Variants in NPIPA5 observed in about 807,000 individuals in gnomAD.
NPIPA5 encodes the protein nuclear pore complex interacting protein family member A5.
NPIPA5 carries 6 observed loss-of-function variants against 21.4 expected under a neutral mutation model. The ratio of observed to expected loss-of-function variants is 0.28; its 90% CI spans 0.15 to 0.55. The LOEUF is 0.55. Among genes scored for constraint, NPIPA5 ranks in the 20% least tolerant of loss-of-function variants. The pLI is 0.93. For missense variants in NPIPA5, 99 were observed against 318.2 expected (o/e 0.31, Z 5.24); for synonymous variants, 33 against 115.3 (o/e 0.29, Z 4.57).
intron 1 of NPIPA5, among the ~76,000 whole-genome samples, chr16:15,374,195 ATT>A (rs373986601): frequency 5.5e-5 from 8 of 146,144 alleles, no homozygotes; most frequent in African/African-American, 7.5e-5. Context: ...TAAAAAAAAA[ATT>A]TTTTTTTTTT....
At chr16:15,377,540 C>T (rs2050331835) in intron 1 of NPIPA5, among the ~76,000 whole-genome samples, 2 of 143,442 alleles carry the variant, frequency 1.4e-5, no homozygotes, top group African/African-American at 2.5e-5. Flanking sequence ...CCTTTCAGGG[C>T]TCCCTGAGGC....
At chr16:15,376,822 A>T (rs1197179162) in intron 1 of NPIPA5, among the ~76,000 whole-genome samples, 1 of 152,078 alleles carries the variant, frequency 6.6e-6, no homozygotes, top group Non-Finnish European at 1.5e-5. Context: ...GTGGTGGTCT[A>T]CTAAAAATAC....
chr16:15,375,697 G>A (rs1404642881), intron 1 of NPIPA5, among the ~76,000 whole-genome samples: 31 of 141,450 alleles, frequency 2.2e-4, no homozygotes, highest in Admixed American at 6.6e-4. Context: ...AGCCAAGATC[G>A]CACCACTGCA....
intron 4 of NPIPA5, among the ~76,000 whole-genome samples, chr16:15,369,317 G>A (rs2050081668): frequency 6.7e-6 from 1 of 149,724 alleles, no homozygotes; most frequent in Non-Finnish European, 1.5e-5. Context: ...TTAGCTGGGC[G>A]TGGTGGTGGG....
In NPIPA5 at chr16:15,373,818, C is replaced by T. The variant is rs767191145; in HGVS notation, c.89G>A (p.Arg30His). 6.4e-4 allele frequency: 42 copies of T among 65,254 alleles called. No homozygotes were observed. In the African/African-American group the frequency reaches 0.012, roughly 19 times the overall value. 4.0% of individuals were successfully genotyped at this position (65,254 alleles called of 1,614,324 possible). A position where few individuals can be genotyped will look rare whatever the true frequency, so the allele number is the denominator to read the frequency against. Reference protein sequence around the residue: ...AWVINTLADHRHRGTDFGGSP... With the variant: ...AWVINTLADHHHRGTDFGGSP... The stretch of plus-strand genomic sequence containing the variant: ...TCCACCAAAGTCAGTCCCACGATGA[C>T]GATGGTCAGCCAGAGTATTGATAAC... Residue 30 changes from arginine (R) to histidine (H), a missense_variant, in exon 2 of 8, where the codon CGT (arginine) becomes CAT (histidine). Arg to His is a conservative substitution (Grantham distance 29). Coordinates refer to ENST00000360151, the MANE Select transcript of NPIPA5 (RefSeq NM_001277325.2).
At chr16:15,378,882 C>T (rs922696684), upstream of NPIPA5, among the ~76,000 whole-genome samples, 5 of 121,836 alleles carry the variant, frequency 4.1e-5, no homozygotes, top group African/African-American at 1.6e-4. Context: ...TCCAAGGAAT[C>T]TGTGCATTTC....
Position 15,371,041 on chromosome 16 carries a change from G to A in NPIPA5, c.193-922C>T, listed in dbSNP as rs1299233179. Among the ~76,000 whole-genome samples the A allele has an allele frequency of 5.5e-4, 41 of 74,050 alleles. 2 individuals carry two copies. Among genetic ancestry groups the A allele is most frequent in the Middle Eastern group, 0.011 (1 of 88 alleles). The allele number at this position is 74,050 out of a possible 152,430, so 48.6% of individuals were successfully genotyped here. On this transcript the variant is annotated intron_variant, in intron 2 of 7. Coordinates refer to ENST00000360151, the MANE Select transcript of NPIPA5 (RefSeq NM_001277325.2). ...CAGCCTGGTGACAGAGTGAGACTCC[G>A]TCTCAAAAAAAAAAAAAAAAATGAC... is the stretch of plus-strand genomic sequence containing the variant.
intron 7 of NPIPA5, 59 bp from the exon 8 acceptor site, chr16:15,364,128 G>C: frequency 6.9e-7 from 1 of 1,445,182 alleles, no homozygotes; most frequent in African/African-American, 1.5e-5. Flanking sequence ...CAAAATTACC[G>C]CCACCAACAC....
At chr16:15,376,770 C>A (rs1357579727) in intron 1 of NPIPA5, among the ~76,000 whole-genome samples, 2 of 151,476 alleles carry the variant, frequency 1.3e-5, no homozygotes, top group African/African-American at 4.9e-5. Context: ...CAAAAATTAG[C>A]CAGGCGTGGT....
intron 2 of NPIPA5, among the ~76,000 whole-genome samples, chr16:15,370,374 C>G (rs1468126475): frequency 1.4e-5 from 2 of 139,440 alleles, no homozygotes; most frequent in Non-Finnish European, 3.1e-5. Context: ...TGCAGTGAGC[C>G]GAGATCACAC....
upstream of NPIPA5, among the ~76,000 whole-genome samples, chr16:15,379,429 T>C (rs2050383533): frequency 6.6e-6 from 1 of 151,082 alleles, no homozygotes; most frequent in Non-Finnish European, 1.5e-5. Flanking sequence ...TAGCCGGGTG[T>C]GGTGGTGGGC....
At chr16:15,376,631 T>C (rs2050299999) in intron 1 of NPIPA5, among the ~76,000 whole-genome samples, 1 of 151,410 alleles carries the variant, frequency 6.6e-6, no homozygotes, top group Non-Finnish European at 1.5e-5. Context: ...TAAGGTTATA[T>C]ATTTTGGCCA....
At chr16:15,377,873 C>T (rs1170591777) in intron 1 of NPIPA5, among the ~76,000 whole-genome samples, 1 of 150,420 alleles carries the variant, frequency 6.6e-6, no homozygotes, top group South Asian at 2.1e-4. Flanking sequence ...AATTAGGAGA[C>T]AAAGGTTCTG....
intron 2 of NPIPA5, among the ~76,000 whole-genome samples, chr16:15,370,480 G>A (rs1598396303): frequency 6.9e-6 from 1 of 145,420 alleles, no homozygotes; most frequent in East Asian, 2.1e-4. Context: ...AGGCTGGCAT[G>A]GTGGCTCACT....
chr16:15,370,385 C>G lies in NPIPA5; in HGVS notation c.193-266G>C, dbSNP rs906920581. Among the ~76,000 whole-genome samples the G allele has an allele frequency of 5.0e-5, 7 of 139,830 alleles. 1 individual carries two copies. Among genetic ancestry groups the G allele is most frequent in the Non-Finnish European group, 9.3e-5 (6 of 64,730 alleles). 91.7% of individuals were successfully genotyped at this position (139,830 alleles called of 152,430 possible). A position where few individuals can be genotyped will look rare whatever the true frequency, so the allele number is the denominator to read the frequency against. ...AGGTTGCAGTGAGCCGAGATCACACCACTGCACTCCAGCCTGAGTGACAGA... is the reference window on the plus strand; with the variant it reads ...AGGTTGCAGTGAGCCGAGATCACACGACTGCACTCCAGCCTGAGTGACAGA... On this transcript the variant is annotated intron_variant, in intron 2 of 7. Transcript: ENST00000360151.
chr16:15,372,418 G>C lies in NPIPA5; in HGVS notation c.192+1297C>G, dbSNP rs1461432706. Among the ~76,000 whole-genome samples the C allele has an allele frequency of 1.4e-5, 2 of 146,768 alleles. 1 individual carries two copies. The highest frequency in any genetic ancestry group is 3.0e-5 in the Non-Finnish European group (2 of 66,704). ...GGGAATCACTTGAAGCCAGGAGGTG[G>C]AGGTTGCAGTGAGCCGAGATCACAC... On this transcript the variant is annotated intron_variant, in intron 2 of 7. Coordinates refer to ENST00000360151, the MANE Select transcript of NPIPA5 (RefSeq NM_001277325.2).
intron 1 of NPIPA5, among the ~76,000 whole-genome samples, chr16:15,376,147 C>T (rs1304993661): frequency 1.3e-5 from 2 of 151,714 alleles, no homozygotes; most frequent in Non-Finnish European, 2.9e-5. Flanking sequence ...CATCTGTATA[C>T]GTGAAATTCC....
chr16:15,370,603 T>C (rs1308190666), intron 2 of NPIPA5, among the ~76,000 whole-genome samples: 22 of 141,892 alleles, frequency 1.6e-4, no homozygotes, highest in African/African-American at 5.6e-4. Flanking sequence ...AATACAAAAT[T>C]AGCCAGGCAT....
intron 4 of NPIPA5, among the ~76,000 whole-genome samples, chr16:15,369,407 A>G (rs2050083735): frequency 6.6e-6 from 1 of 151,276 alleles, no homozygotes; most frequent in Non-Finnish European, 1.5e-5. Flanking sequence ...AGATTGTGCC[A>G]TTGCACTACG....
Sources: allele counts gnomAD v4.1 joint callset (sites outside exome capture counted in the v4.1 genomes callset), GRCh38; gene constraint gnomAD v4.1.1; transcripts MANE v1.5; gene names NCBI Gene and HGNC (gene_info 2026-07-23, HGNC 2026-07-21).